Variants in ARHGAP39 observed in about 807,000 individuals in gnomAD.
The protein encoded by ARHGAP39 is Rho GTPase activating protein 39, also known as rho GTPase-activating protein 39.
ARHGAP39 carries 44 observed loss-of-function variants against 106.9 expected under a neutral mutation model. That is an observed-to-expected ratio of 0.41 (90% CI 0.32 to 0.53). ARHGAP39 has a LOEUF of 0.53. Ranked by LOEUF, ARHGAP39 falls within the 20% of genes least tolerant of loss-of-function variation. The pLI, the probability that ARHGAP39 is intolerant of heterozygous loss-of-function variation, is 0.21. For synonymous variants in ARHGAP39, 768 were observed against 693.2 expected (o/e 1.11, Z -1.69); for missense variants, 1,496 against 1,577.3 (o/e 0.95, Z 0.87).
intron 6 of ARHGAP39, among the ~76,000 whole-genome samples, chr8:144,539,794 T>A (rs185181335): frequency 3.9e-5 from 6 of 152,352 alleles, no homozygotes; most frequent in Admixed American, 1.3e-4. Flanking sequence ...TGCCACACTC[T>A]CGTTAGTCTA....
the ARHGAP39 span, among the ~76,000 whole-genome samples, chr8:144,700,113 C>T: frequency 6.6e-6 from 1 of 152,210 alleles, no homozygotes; most frequent in East Asian, 1.9e-4. The surrounding 1 kb of genome is among the most constrained non-coding windows in gnomAD (Gnocchi z 5.6). Flanking sequence ...CGTTCTCCTA[C>T]GAAGGCGCGA....
chr8:144,581,186 C>A lies in ARHGAP39; in HGVS notation c.172G>T (p.Gly58Cys). The A allele has an allele frequency of 6.4e-7, 1 of 1,562,160 alleles. No homozygotes were observed. The highest frequency in any genetic ancestry group is 8.7e-7 in the Non-Finnish European group (1 of 1,153,834). Residue 58 changes from glycine (G) to cysteine (C), a missense_variant, in exon 3 of 12, where the codon GGC becomes TGC. By Grantham distance (159) the Gly-to-Cys change is radical. Around this residue, in one of 4 missense-constraint regions of ARHGAP39, gnomAD observed 96 missense variants for 107.9 expected, o/e 0.89. Transcript: ENST00000377307. The stretch of plus-strand genomic sequence containing the variant: ...TCGCTGGTGCGCTTGATGCGGACGC[C>A]GGCCGGCGGGTCCCACACGCACTCA... Reference protein sequence around the residue: ...TGECVWDPPAGVRIKRTSENQ... With the variant: ...TGECVWDPPACVRIKRTSENQ...
chr8:144,661,790 C>A (rs1821828700), intron 1 of ARHGAP39, among the ~76,000 whole-genome samples: 1 of 152,028 alleles, frequency 6.6e-6, no homozygotes, highest in African/African-American at 2.4e-5. Context: ...CCATTATCCA[C>A]CTTGGACCCC....
At position 144,530,644 on chromosome 8, in the gene ARHGAP39, AGGGGCG is replaced by A. The variant is rs775562880; in HGVS notation, c.3151-34_3151-29del. On this transcript the variant is annotated intron_variant, in intron 11 of 11. Coordinates refer to ENST00000377307, the MANE Select transcript of ARHGAP39 (RefSeq NM_025251.3). ...GGTGGAGGAGCGAGGGTGGGCGCGG[AGGGGCG>A]GGGGCGGGGCGGGGAGGGGAAAGCA... 59 of 189,608 alleles carry A rather than the reference AGGGGCG, an allele frequency of 3.1e-4. No homozygotes were observed. The East Asian group carries it at 0.013, about 42-fold the overall frequency. 11.7% of individuals were successfully genotyped at this position (189,608 alleles called of 1,614,324 possible). A position where few individuals can be genotyped will look rare whatever the true frequency, so the allele number is the denominator to read the frequency against.
chr8:144,615,198 G>A (rs1256689187), intron 1 of ARHGAP39, among the ~76,000 whole-genome samples: 1 of 152,172 alleles, frequency 6.6e-6, no homozygotes, highest in African/African-American at 2.4e-5. Flanking sequence ...GCACACGCCT[G>A]TGGTCCCAGC....
chr8:144,670,216 G>A lies in ARHGAP39; in HGVS notation c.-82+15470C>T, dbSNP rs1822068386. ...AGCAACAGAGCTCGGACGCATGCTA[G>A]AGCGTACCGGGAAGCTGGATGAGGG... On this transcript the variant is annotated intron_variant, in intron 1 of 11. Transcript: ENST00000377307. This position sits in a 1 kb window ranked among gnomAD's most constrained non-coding sequence, Gnocchi z 4.4. Among the ~76,000 whole-genome samples the A allele has an allele frequency of 1.3e-5, 2 of 152,176 alleles. No individual in the cohort carries two copies. Among genetic ancestry groups the A allele is most frequent in the Admixed American group, 1.3e-4 (2 of 15,286 alleles).
At chr8:144,638,425 G>A (rs1057077668) in intron 1 of ARHGAP39, among the ~76,000 whole-genome samples, 1 of 152,180 alleles carries the variant, frequency 6.6e-6, no homozygotes, top group African/African-American at 2.4e-5. Context: ...TTCAGCCAAC[G>A]GCTCTTCAAA....
intron 3 of ARHGAP39, among the ~76,000 whole-genome samples, chr8:144,576,332 C>CAAAAAAAAAAAA (rs67038997): frequency 1.6e-5 from 1 of 63,812 alleles, no homozygotes; most frequent in Non-Finnish European, 3.0e-5. Context: ...GACTCCGTCT[C>CAAAAAAAAAAAA]AAAAAAAAAA....
chr8:144,690,915 C>T, the ARHGAP39 span, among the ~76,000 whole-genome samples: 1 of 151,898 alleles, frequency 6.6e-6, no homozygotes, highest in African/African-American at 2.4e-5. Flanking sequence ...GCCTCAGCCT[C>T]CCAAAGTGCT....
intron 1 of ARHGAP39, among the ~76,000 whole-genome samples, chr8:144,649,647 G>A (rs898123412): frequency 3.4e-4 from 51 of 151,912 alleles, no homozygotes; most frequent in African/African-American, 1.2e-3. Context: ...GCACACGCCT[G>A]TAATTCTAGC....
At chr8:144,666,598 G>T (rs1419463610) in intron 1 of ARHGAP39, among the ~76,000 whole-genome samples, 3 of 152,108 alleles carry the variant, frequency 2.0e-5, no homozygotes, top group Non-Finnish European at 4.4e-5. Context: ...TTTATGGGGG[G>T]CTTCTGCCTT....
chr8:144,616,051 G>C (rs1820627678), intron 1 of ARHGAP39, among the ~76,000 whole-genome samples: 1 of 152,232 alleles, frequency 6.6e-6, no homozygotes, highest in South Asian at 2.1e-4. Context: ...CACACGGAAA[G>C]GACGGTGCTG....
chr8:144,677,776 G>A (rs957703631), intron 1 of ARHGAP39, among the ~76,000 whole-genome samples: 2 of 152,186 alleles, frequency 1.3e-5, no homozygotes, highest in African/African-American at 4.8e-5. Context: ...AAGCTTCCAG[G>A]GGAACCAGGT....
At chr8:144,667,566 T>A (rs1215439440) in intron 1 of ARHGAP39, among the ~76,000 whole-genome samples, 1 of 152,228 alleles carries the variant, frequency 6.6e-6, no homozygotes, top group African/African-American at 2.4e-5. Flanking sequence ...ACCTGGGACA[T>A]CTTCTGTGTA....
chr8:144,545,157 G>A lies in ARHGAP39; in HGVS notation c.2521+92C>T, dbSNP rs867884734. ...GAACCATGGCCCTGTGTGGAGGGCC[G>A]CCAGGGACTTCACCAGCTGCCGCCC... On this transcript the variant is annotated intron_variant, in intron 6 of 11. Transcript: ENST00000377307. 1.3e-5 allele frequency: 16 copies of A among 1,245,490 alleles called. No homozygotes were observed. In the Middle Eastern group the frequency reaches 1.3e-3, roughly 98 times the overall value. 77.2% of individuals were successfully genotyped at this position (1,245,490 alleles called of 1,614,324 possible). A position where few individuals can be genotyped will look rare whatever the true frequency, so the allele number is the denominator to read the frequency against.
At chr8:144,655,495 G>A (rs1480879267) in intron 1 of ARHGAP39, among the ~76,000 whole-genome samples, 1 of 151,940 alleles carries the variant, frequency 6.6e-6, no homozygotes, top group Non-Finnish European at 1.5e-5. Context: ...GCAGAGAGGA[G>A]CTACCCACTC....
At chr8:144,549,115 C>T (rs1312564801) in intron 4 of ARHGAP39, among the ~76,000 whole-genome samples, 1 of 152,276 alleles carries the variant, frequency 6.6e-6, no homozygotes, top group Non-Finnish European at 1.5e-5. Context: ...CCAGTCCTCC[C>T]AACTCAGTGC....
intron 2 of ARHGAP39, among the ~76,000 whole-genome samples, chr8:144,602,519 CAT>C (rs1189111402): frequency 9.4e-6 from 1 of 105,862 alleles, no homozygotes; most frequent in Admixed American, 1.1e-4. Context: ...TGGAGGCGTG[CAT>C]GTGTGCTCGT....
At chr8:144,603,083 G>T (rs938514759) in intron 2 of ARHGAP39, among the ~76,000 whole-genome samples, 2 of 145,390 alleles carry the variant, frequency 1.4e-5, no homozygotes, top group South Asian at 2.2e-4. Flanking sequence ...GTGCGTGGAG[G>T]TGTGTGCGCG....
Sources: gnomAD v4.1 joint callset for allele counts (sites outside exome capture counted in the v4.1 genomes callset) on GRCh38, gnomAD v4.1.1 for gene constraint, gnomAD v4.1.1 regional missense constraint, Gnocchi (gnomAD v3.1) non-coding constraint, MANE v1.5 for transcripts, NCBI Gene and HGNC (gene_info 2026-07-23, HGNC 2026-07-21) for gene names.